Variants in ARHGAP20 observed in about 807,000 individuals in gnomAD.
ARHGAP20 encodes the protein rho GTPase-activating protein 20.
Under a neutral mutation model 73.7 loss-of-function variants are expected in ARHGAP20, and 34 were observed. That is an observed-to-expected ratio of 0.46 (90% CI 0.35 to 0.61). ARHGAP20 has a LOEUF of 0.61. Ranked by LOEUF, ARHGAP20 falls within the 20% of genes least tolerant of loss-of-function variation. The probability of loss-of-function intolerance (pLI) is 0.00; values close to 1 mark genes in which losing one functional copy is unlikely to be tolerated. For synonymous variants in ARHGAP20, 523 were observed against 518.2 expected, an observed-to-expected ratio of 1.01 and a Z score of -0.13; for missense variants, 1,314 against 1,420.9, an observed-to-expected ratio of 0.92 and a Z score of 1.21.
intron 10 of ARHGAP20, among the ~76,000 whole-genome samples, chr11:110,591,729 A>C (rs1266318755): frequency 6.6e-6 from 1 of 152,254 alleles, no homozygotes; most frequent in East Asian, 1.9e-4. Context: ...TTCTGTCTGC[A>C]GGGCAAATTC....
chr11:110,711,654 C>A, intron 1 of ARHGAP20: 1 of 1,469,628 alleles, frequency 6.8e-7, no homozygotes, highest in South Asian at 1.3e-5. Flanking sequence ...GCCCCGCTGC[C>A]TACCTTCTTC....
At chr11:110,652,226 GA>G (rs753560864) in intron 2 of ARHGAP20, among the ~76,000 whole-genome samples, 6 of 152,054 alleles carry the variant, frequency 3.9e-5, no homozygotes, top group Admixed American at 6.6e-5. Flanking sequence ...AGGTATTGAA[GA>G]AACATACCTC....
Position 110,577,721 on chromosome 11 carries a change from T to A in ARHGAP20, c.*1649A>T. 1.0e-6 allele frequency: 1 copy of A among 985,912 alleles called. No homozygotes were observed. The highest frequency in any genetic ancestry group is 1.2e-6 in the Non-Finnish European group (1 of 829,974). 61.1% of individuals were successfully genotyped at this position (985,912 alleles called of 1,614,324 possible). On this transcript the variant is annotated 3_prime_UTR_variant, in exon 15 of 15. Transcript: ENST00000683387. ...TGGCCAGTGTCACGAAGTAGCTCTT[T>A]GGATACAGAGTTCTAAAAGATCATT...
In ARHGAP20 at chr11:110,586,335, A is replaced by G; in HGVS notation, c.1306-10T>C. ...TATTTCGCAGAAAATCCTTAAATAG[A>G]TGGAAAAACAAATATTTCAAATAAT... On this transcript the variant is annotated splice_polypyrimidine_tract_variant and intron_variant, in intron 11 of 14. Coordinates refer to ENST00000683387, the MANE Select transcript of ARHGAP20 (RefSeq NM_001384657.1). The G allele has an allele frequency of 6.9e-7, 1 of 1,450,842 alleles. No individual in the cohort carries two copies. The highest frequency in any genetic ancestry group is 1.3e-5 in the South Asian group (1 of 79,148). 89.9% of individuals were successfully genotyped at this position (1,450,842 alleles called of 1,614,324 possible).
intron 4 of ARHGAP20, among the ~76,000 whole-genome samples, chr11:110,621,065 A>C (rs1948618650): frequency 1.1e-5 from 1 of 87,540 alleles, no homozygotes; most frequent in Non-Finnish European, 2.1e-5. Flanking sequence ...CAAGAGTAAA[A>C]CTCCATCTCA....
rs527499805 is a variant in ARHGAP20 at position 110,702,692 on chromosome 11, G to A, written c.105+9435C>T. ...TGATAAGCAACTTCAGCAGTCTCAG[G>A]ATACAAAATCAATGTGTGAAAATCA... On this transcript the variant is annotated intron_variant, in intron 1 of 14. Coordinates refer to ENST00000683387, the MANE Select transcript of ARHGAP20 (RefSeq NM_001384657.1). 7.9e-5 allele frequency among the ~76,000 whole-genome samples: 12 copies of A among 152,182 alleles called. 1 individual carries two copies. The South Asian group carries it at 2.5e-3, about 32-fold the overall frequency.
intron 9 of ARHGAP20, among the ~76,000 whole-genome samples, chr11:110,598,885 G>A (rs1275111627): frequency 6.6e-6 from 1 of 151,984 alleles, no homozygotes; most frequent in Admixed American, 6.5e-5. Flanking sequence ...GGGAGCAGGT[G>A]GGAGCCCTGC....
intron 2 of ARHGAP20, among the ~76,000 whole-genome samples, chr11:110,635,979 C>A (rs571522592): frequency 6.6e-6 from 1 of 152,144 alleles, no homozygotes; most frequent in African/African-American, 2.4e-5. Flanking sequence ...TTTTGCTGAG[C>A]TTTAATTTTT....
At chr11:110,622,434 G>A (rs1948649468) in intron 4 of ARHGAP20, among the ~76,000 whole-genome samples, 1 of 152,152 alleles carries the variant, frequency 6.6e-6, no homozygotes, top group Admixed American at 6.5e-5. Flanking sequence ...TAAGTTCAGA[G>A]GACTCTAAAT....
chr11:110,632,596 G>T (rs1948881923), intron 2 of ARHGAP20, among the ~76,000 whole-genome samples: 1 of 152,042 alleles, frequency 6.6e-6, no homozygotes, highest in Non-Finnish European at 1.5e-5. Flanking sequence ...GTAGAGATGG[G>T]GTTTTGCCAT....
intron 2 of ARHGAP20, among the ~76,000 whole-genome samples, chr11:110,683,604 A>G (rs190142578): frequency 6.6e-6 from 1 of 152,324 alleles, no homozygotes; most frequent in East Asian, 1.9e-4. Flanking sequence ...CATGCATATA[A>G]GGAGATTCCA....
At chr11:110,584,910 T>TGA (rs1565421317) in intron 12 of ARHGAP20, among the ~76,000 whole-genome samples, 3 of 149,442 alleles carry the variant, frequency 2.0e-5, no homozygotes, top group Non-Finnish European at 3.0e-5. Flanking sequence ...TATGTGAATA[T>TGA]ATATATGAAT....
rs1001530796 is a variant in ARHGAP20 at position 110,579,594 on chromosome 11, A to G, written c.3352T>C (p.Ser1118Pro). 3 of 1,613,882 alleles carry G rather than the reference A, an allele frequency of 1.9e-6. No homozygotes were observed. The African/African-American group carries it at 4.0e-5, about 22-fold the overall frequency. Reference protein sequence around the residue: ...QRCSSSPFQDSERHCSSPFSL... With the variant: ...QRCSSSPFQDPERHCSSPFSL... Reference sequence around the variant, plus strand: ...AATGGAGAGCTACAGTGTCTCTCTGAGTCCTGGAAGGGAGAAGAACTACAC... The same window carrying G: ...AATGGAGAGCTACAGTGTCTCTCTGGGTCCTGGAAGGGAGAAGAACTACAC... Residue 1118 changes from serine to proline, a missense_variant, in exon 15 of 15, where the codon TCA becomes CCA. Around this residue, in one of 3 missense-constraint regions of ARHGAP20, gnomAD observed 641 missense variants for 636.9 expected, o/e 1.01. Coordinates refer to ENST00000683387, the MANE Select transcript of ARHGAP20 (RefSeq NM_001384657.1).
chr11:110,581,930 CAAAA>C (rs35432649), intron 14 of ARHGAP20, among the ~76,000 whole-genome samples: 2 of 89,248 alleles, frequency 2.2e-5, no homozygotes. Flanking sequence ...AAGGAGAGGA[CAAAA>C]AAAAAAAAAA....
chr11:110,675,403 TC>T (rs1459270721), intron 2 of ARHGAP20, among the ~76,000 whole-genome samples: 3 of 152,198 alleles, frequency 2.0e-5, no homozygotes, highest in African/African-American at 7.2e-5. Context: ...CATTATATCA[TC>T]CGTTGTCTCT....
At chr11:110,605,910 T>C (rs1359142940) in intron 9 of ARHGAP20, among the ~76,000 whole-genome samples, 3 of 152,250 alleles carry the variant, frequency 2.0e-5, no homozygotes, top group Non-Finnish European at 4.4e-5. Flanking sequence ...CACTCATACT[T>C]TTTGATATCA....
At position 110,657,912 on chromosome 11, in the gene ARHGAP20, AAG is replaced by A. The variant is rs988195203; in HGVS notation, c.189-27122_189-27121del. ...TCCGACAAAAAAAAAAAGAAAGAAA[AAG>A]AGAGAGAGGAAGGAAGGAAGGAAGG... On this transcript the variant is annotated intron_variant, in intron 2 of 14. Coordinates refer to ENST00000683387, the MANE Select transcript of ARHGAP20 (RefSeq NM_001384657.1). 7.3e-5 allele frequency among the ~76,000 whole-genome samples: 10 copies of A among 136,610 alleles called. No homozygotes were observed. In the South Asian group the frequency reaches 7.4e-4, roughly 10 times the overall value. 89.6% of individuals were successfully genotyped at this position (136,610 alleles called of 152,430 possible). A position where few individuals can be genotyped will look rare whatever the true frequency, so the allele number is the denominator to read the frequency against.
Position 110,588,988 on chromosome 11 carries a change from C to T in ARHGAP20, c.1305+1660G>A, listed in dbSNP as rs573303559. On this transcript the variant is annotated intron_variant, in intron 11 of 14. Coordinates refer to ENST00000683387, the MANE Select transcript of ARHGAP20 (RefSeq NM_001384657.1). The stretch of plus-strand genomic sequence containing the variant: ...TCAGGAGGCTGAGGCAGGAGAATGG[C>T]GTGAACCCAGGAGGTGGAGCTTGCA... 9.2e-5 allele frequency among the ~76,000 whole-genome samples: 14 copies of T among 152,126 alleles called. No homozygotes were observed. In the South Asian group the frequency reaches 2.3e-3, roughly 25 times the overall value.
At chr11:110,582,289 C>T (rs2134783255) in intron 14 of ARHGAP20, 32 bp downstream of exon 14, 1 of 1,529,324 alleles carries the variant, frequency 6.5e-7, no homozygotes, top group East Asian at 2.3e-5. Context: ...GTGTCTGTTT[C>T]TCACAAAAAC....
Sources: gnomAD v4.1 joint callset for allele counts (sites outside exome capture counted in the v4.1 genomes callset) on GRCh38, gnomAD v4.1.1 for gene constraint, gnomAD v4.1.1 regional missense constraint, MANE v1.5 for transcripts, NCBI Gene and HGNC (gene_info 2026-07-23, HGNC 2026-07-21) for gene names.